Variants in CCDC170 observed in about 807,000 individuals in gnomAD.
CCDC170 encodes the protein coiled-coil domain containing 170.
A neutral mutation model predicts 72.6 loss-of-function variants in CCDC170; 69 were observed. That is an observed-to-expected ratio of 0.95 (90% CI 0.78 to 1.16). The LOEUF is 1.16. Among genes scored for constraint, CCDC170 ranks in the 50% most tolerant of loss-of-function variants. The pLI, the probability that CCDC170 is intolerant of heterozygous loss-of-function variation, is 0.00. For missense variants in CCDC170, 852 were observed against 832.5 expected, an observed-to-expected ratio of 1.02 and a Z score of -0.29; for synonymous variants, 300 against 303.9, an observed-to-expected ratio of 0.99 and a Z score of 0.13.
chr6:151,512,045 A>G (rs994585287), intron 1 of CCDC170, among the ~76,000 whole-genome samples: 6 of 151,750 alleles, frequency 4.0e-5, no homozygotes, highest in African/African-American at 1.5e-4. Context: ...GGGTCTCACC[A>G]TGTTGCCCAG....
intron 5 of CCDC170, among the ~76,000 whole-genome samples, chr6:151,572,740 C>G (rs973920284): frequency 1.4e-5 from 2 of 139,598 alleles, no homozygotes; most frequent in African/African-American, 5.4e-5. Context: ...ACCTCCACCT[C>G]CCAGGTTCAA....
rs774735456 is a variant in CCDC170 at position 151,618,077 on chromosome 6, G to A, written c.2078G>A (p.Cys693Tyr). The change falls in exon 11 of 11, where the codon TGT (cysteine) becomes TAT (tyrosine). Residue 693 changes from cysteine (C) to tyrosine (Y), a missense_variant. Cys to Tyr is a radical substitution (Grantham distance 194). Transcript: ENST00000239374. The stretch of plus-strand genomic sequence containing the variant: ...TCACATCAGCATCACTTTGTTACCT[G>A]TGCCTGCCTCAAAGATGTGACTACT... Reference protein sequence around the residue: ...VHSHQHHFVTCACLKDVTTGQ... With the variant: ...VHSHQHHFVTYACLKDVTTGQ... 4.3e-6 allele frequency: 7 copies of A among 1,614,084 alleles called. No individual in the cohort carries two copies. Among genetic ancestry groups the A allele is most frequent in the Non-Finnish European group, 5.9e-6 (7 of 1,180,026 alleles).
At chr6:151,611,391 T>TA (rs1776868110) in intron 9 of CCDC170, among the ~76,000 whole-genome samples, 2 of 152,198 alleles carry the variant, frequency 1.3e-5, no homozygotes, top group African/African-American at 4.8e-5. Flanking sequence ...GCTGGGAAGT[T>TA]AAAAATCAAG....
intron 1 of CCDC170, among the ~76,000 whole-genome samples, chr6:151,495,883 G>C (rs888735215): frequency 6.6e-6 from 1 of 152,058 alleles, no homozygotes; most frequent in Admixed American, 6.5e-5. Context: ...GATCAAAATC[G>C]GGATGTTTAG....
At chr6:151,544,460 T>C (rs1782740960) in intron 3 of CCDC170, 112 bp from the exon 4 acceptor site, 2 of 1,041,004 alleles carry the variant, frequency 1.9e-6, no homozygotes, top group Non-Finnish European at 2.7e-6. Flanking sequence ...GGAAACTGTG[T>C]TGTGTTGAAA....
chr6:151,597,155 C>T (rs377557898), intron 9 of CCDC170, among the ~76,000 whole-genome samples: 6 of 148,554 alleles, frequency 4.0e-5, no homozygotes, highest in African/African-American at 1.0e-4. Flanking sequence ...GACTGAGTCT[C>T]GCTCTGTTGT....
intron 9 of CCDC170, among the ~76,000 whole-genome samples, chr6:151,601,533 G>A (rs540967400): frequency 6.6e-6 from 1 of 151,982 alleles, no homozygotes; most frequent in Admixed American, 6.6e-5. Flanking sequence ...GTGTGTGTGT[G>A]TATGTGTGTT....
intron 9 of CCDC170, among the ~76,000 whole-genome samples, chr6:151,599,606 A>G (rs1158790): frequency 6.6e-6 from 1 of 151,860 alleles, no homozygotes; most frequent in Non-Finnish European, 1.5e-5. Flanking sequence ...CTGGGTCCTG[A>G]GGAGCCATTG....
rs552094433 is a variant in CCDC170, at chr6:151,505,160, G to A, written c.57+10975G>A. Among the ~76,000 whole-genome samples the A allele has an allele frequency of 3.4e-4, 52 of 152,250 alleles. 1 individual carries two copies. Among genetic ancestry groups the A allele is most frequent in the African/African-American group, 1.2e-3 (51 of 41,534 alleles). On this transcript the variant is annotated intron_variant, in intron 1 of 10. Coordinates refer to ENST00000239374, the MANE Select transcript of CCDC170 (RefSeq NM_025059.4). The stretch of plus-strand genomic sequence containing the variant: ...TTTGTCATTCATTCTACTCCTAGGA[G>A]CTGTGCTGCCCGCAGACCTTCTCTG...
intron 4 of CCDC170, 43 bp from the exon 5 acceptor site, chr6:151,548,261 A>G (rs1301886781): frequency 1.4e-6 from 2 of 1,459,800 alleles, no homozygotes. Flanking sequence ...AAATGATGAA[A>G]TTGTTAATTT....
intron 10 of CCDC170, among the ~76,000 whole-genome samples, chr6:151,616,088 T>C (rs1776962988): frequency 6.6e-6 from 1 of 152,082 alleles, no homozygotes; most frequent in Non-Finnish European, 1.5e-5. Flanking sequence ...AAAAAACAGG[T>C]TCTGGTTCTG....
At chr6:151,499,303 T>C in intron 1 of CCDC170, among the ~76,000 whole-genome samples, 1 of 126,252 alleles carries the variant, frequency 7.9e-6, no homozygotes, top group Non-Finnish European at 1.6e-5. Context: ...GGAATCAGAC[T>C]GTATTTGACT....
In CCDC170 at chr6:151,548,363, G is replaced by C; in HGVS notation, c.648G>C (p.Glu216Asp). ...AAGGACAAATTGTTATTCTTGAAGAGACTATAAATGTCCATGAGATGGAAG... is the reference window on the plus strand; with the variant it reads ...AAGGACAAATTGTTATTCTTGAAGACACTATAAATGTCCATGAGATGGAAG... ...FVKGQIVILE[E>D]TINVHEMEAK... Residue 216 changes from glutamate (E) to aspartate (D), a missense_variant, in exon 5 of 11, where the codon GAG becomes GAC. Glu to Asp is a conservative substitution (Grantham distance 45, BLOSUM62 2). Transcript: ENST00000239374. 6.2e-7 allele frequency: 1 copy of C among 1,612,198 alleles called. No homozygotes were observed. The highest frequency in any genetic ancestry group is 8.5e-7 in the Non-Finnish European group (1 of 1,178,954).
chr6:151,546,950 T>C (rs527338319), intron 4 of CCDC170, among the ~76,000 whole-genome samples: 1 of 151,278 alleles, frequency 6.6e-6, no homozygotes, highest in East Asian at 1.9e-4. Context: ...GGTAGGAATC[T>C]GGAGCTTTGG....
At chr6:151,591,039 G>A (rs1562292845) in intron 7 of CCDC170, among the ~76,000 whole-genome samples, 1 of 151,948 alleles carries the variant, frequency 6.6e-6, no homozygotes, top group South Asian at 2.1e-4. Flanking sequence ...TGCAATGACT[G>A]TGACTTATAA....
chr6:151,535,794 G>A (rs992932279), intron 1 of CCDC170, among the ~76,000 whole-genome samples: 18 of 152,026 alleles, frequency 1.2e-4, no homozygotes, highest in African/African-American at 4.1e-4. Flanking sequence ...TGGCTGGGCT[G>A]GGGTGCAGTG....
At chr6:151,520,085 C>G (rs1408478204) in intron 1 of CCDC170, among the ~76,000 whole-genome samples, 1 of 152,172 alleles carries the variant, frequency 6.6e-6, no homozygotes, top group Non-Finnish European at 1.5e-5. Flanking sequence ...CAAGATGGAG[C>G]CACTCTGGTT....
In CCDC170 at chr6:151,532,471, A is replaced by T. The variant is rs1782503975; in HGVS notation, c.58-3847A>T. Among the ~76,000 whole-genome samples, 4 of 152,050 alleles carry T rather than the reference A, an allele frequency of 2.6e-5. No homozygotes were observed. The South Asian group carries it at 8.3e-4, about 32-fold the overall frequency. On this transcript the variant is annotated intron_variant, in intron 1 of 10. Coordinates refer to ENST00000239374, the MANE Select transcript of CCDC170 (RefSeq NM_025059.4). ...AAAATACAAAAATTAGCCAGGTGTC[A>T]TAGCACATGCCTGTAATCCCAGCTA...
chr6:151,539,528 T>G (rs983038621), intron 3 of CCDC170, among the ~76,000 whole-genome samples: 7 of 152,256 alleles, frequency 4.6e-5, no homozygotes, highest in African/African-American at 1.7e-4. Flanking sequence ...TGTCTTTCAC[T>G]GTTTCTCCTC....
Sources: gnomAD v4.1 joint callset for allele counts (sites outside exome capture counted in the v4.1 genomes callset) on GRCh38, gnomAD v4.1.1 for gene constraint, MANE v1.5 for transcripts, NCBI Gene and HGNC (gene_info 2026-07-23, HGNC 2026-07-21) for gene names.